Variants in DYM observed in about 807,000 individuals in gnomAD.
DYM encodes the protein dyggve-Melchior-Clausen syndrome protein.
A neutral mutation model predicts 93.1 loss-of-function variants in DYM; 78 were observed. The ratio of observed to expected loss-of-function variants is 0.84; its 90% CI spans 0.70 to 1.01. DYM has a LOEUF of 1.01. Among genes scored for constraint, DYM ranks in the 50% least tolerant of loss-of-function variants. The pLI, the probability that DYM is intolerant of heterozygous loss-of-function variation, is 0.00. For missense variants in DYM, 789 were observed against 845.0 expected (o/e 0.93, Z 0.82); for synonymous variants, 321 against 319.7 (o/e 1.00, Z -0.04).
Position 49,310,345 on chromosome 18 carries a change from G to A in DYM, c.763+21519C>T, listed in dbSNP as rs528716503. Among the ~76,000 whole-genome samples the A allele has an allele frequency of 1.6e-4, 24 of 152,244 alleles. 2 individuals are homozygous for A. In the South Asian group the frequency reaches 4.8e-3, roughly 30 times the overall value. ...TTAAGTTACCCTGAACTTAAAAGCTGAAGGAAAGGGTAAACTTGAAAATGT... is the reference window on the plus strand; with the variant it reads ...TTAAGTTACCCTGAACTTAAAAGCTAAAGGAAAGGGTAAACTTGAAAATGT... On this transcript the variant is annotated intron_variant, in intron 8 of 17. Coordinates refer to ENST00000675505, the MANE Select transcript of DYM (RefSeq NM_001353214.3).
chr18:49,112,658 A>AT (rs201279894), intron 16 of DYM, among the ~76,000 whole-genome samples: 1 of 152,200 alleles, frequency 6.6e-6, no homozygotes, highest in African/African-American at 2.4e-5. Context: ...TAGGGAATTT[A>AT]TTTTTTAGTA....
chr18:49,423,874 A>G (rs569627881), intron 2 of DYM, among the ~76,000 whole-genome samples: 95 of 152,352 alleles, frequency 6.2e-4, no homozygotes, highest in African/African-American at 2.3e-3. Flanking sequence ...GAATATACCA[A>G]TAACAGGCTC....
chr18:49,356,865 A>G (rs764563407), intron 6 of DYM, among the ~76,000 whole-genome samples: 6 of 152,244 alleles, frequency 3.9e-5, no homozygotes, highest in Non-Finnish European at 8.8e-5. Context: ...AATTTTATAA[A>G]TAAGATTCTC....
At chr18:49,330,167 T>C (rs1400551721) in intron 8 of DYM, among the ~76,000 whole-genome samples, 1 of 152,242 alleles carries the variant, frequency 6.6e-6, no homozygotes, top group African/African-American at 2.4e-5. Context: ...TCTTGATTTA[T>C]ACTTTTACAT....
chr18:49,429,752 G>A (rs78334393), intron 2 of DYM, among the ~76,000 whole-genome samples: 2,382 of 152,144 alleles, frequency 0.016, 69 homozygotes, highest in African/African-American at 0.054. Context: ...TGATGTATGC[G>A]GCAGTAACTG....
At chr18:49,240,706 C>T (rs547146140) in intron 13 of DYM, among the ~76,000 whole-genome samples, 21 of 152,232 alleles carry the variant, frequency 1.4e-4, no homozygotes, top group African/African-American at 2.2e-4. Flanking sequence ...CATGTTCTTT[C>T]GTGTAAAAAT....
chr18:49,345,861 C>T (rs951550793), intron 6 of DYM, among the ~76,000 whole-genome samples: 2 of 151,960 alleles, frequency 1.3e-5, no homozygotes, highest in South Asian at 2.1e-4. Flanking sequence ...ACAACAGAGG[C>T]GGCAATACAA....
intron 6 of DYM, among the ~76,000 whole-genome samples, chr18:49,350,887 A>G (rs1414614824): frequency 1.3e-5 from 2 of 152,162 alleles, no homozygotes; most frequent in East Asian, 1.9e-4. Context: ...CCTATTAAAA[A>G]TAAGTATTTT....
rs767694714 is a variant in DYM at position 49,118,635 on chromosome 18, T to C, written c.1911+109A>G. On this transcript the variant is annotated intron_variant, in intron 16 of 17. Transcript: ENST00000675505. Reference sequence around the variant, plus strand: ...TAAAATAGACTGCAAATACAGTTAATGTTGAAAGAAGAAACTCTTACTATT... The same window carrying C: ...TAAAATAGACTGCAAATACAGTTAACGTTGAAAGAAGAAACTCTTACTATT... 82 of 1,024,632 alleles carry C rather than the reference T, an allele frequency of 8.0e-5. No homozygotes were observed. In the African/African-American group the frequency reaches 1.1e-3, roughly 14 times the overall value. 63.5% of individuals were successfully genotyped at this position (1,024,632 alleles called of 1,614,324 possible).
At chr18:49,147,907 G>A (rs149941538) in intron 15 of DYM, among the ~76,000 whole-genome samples, 159 of 152,234 alleles carry the variant, frequency 1.0e-3, no homozygotes, top group African/African-American at 3.3e-3. Context: ...TGTTTATTGC[G>A]GCACTATTCA....
At chr18:49,330,062 C>T (rs886857280) in intron 8 of DYM, among the ~76,000 whole-genome samples, 13 of 152,278 alleles carry the variant, frequency 8.5e-5, no homozygotes, top group Admixed American at 5.2e-4. Context: ...GCCCAGAGAA[C>T]GTAGCTGTGC....
At chr18:49,206,976 G>A (rs1352610028) in intron 14 of DYM, among the ~76,000 whole-genome samples, 1 of 152,184 alleles carries the variant, frequency 6.6e-6, no homozygotes, top group African/African-American at 2.4e-5. Flanking sequence ...GGGCATCAGG[G>A]GAAGGAGGCT....
chr18:49,074,050 G>A (rs959001272), intron 17 of DYM, among the ~76,000 whole-genome samples: 6 of 152,182 alleles, frequency 3.9e-5, no homozygotes, highest in African/African-American at 1.4e-4. Flanking sequence ...TCAGTCATAT[G>A]AATTGAAAAA....
intron 2 of DYM, among the ~76,000 whole-genome samples, chr18:49,393,986 G>A (rs2069720069): frequency 1.3e-5 from 2 of 152,068 alleles, no homozygotes; most frequent in Admixed American, 1.3e-4. Context: ...GGGGATGGGA[G>A]AATAGGGAAC....
chr18:49,178,833 C>T (rs1023547506), intron 14 of DYM, among the ~76,000 whole-genome samples: 2 of 151,994 alleles, frequency 1.3e-5, no homozygotes, highest in African/African-American at 4.8e-5. Context: ...TATTATAGAT[C>T]AAATCAAGTT....
chr18:49,249,297 AT>A (rs1199578670), intron 13 of DYM, among the ~76,000 whole-genome samples: 1 of 152,222 alleles, frequency 6.6e-6, no homozygotes, highest in African/African-American at 2.4e-5. Flanking sequence ...TAAATTTATC[AT>A]TAAATGGACT....
intron 17 of DYM, among the ~76,000 whole-genome samples, chr18:49,081,495 A>G (rs1302828298): frequency 3.6e-5 from 5 of 138,304 alleles, no homozygotes; most frequent in Middle Eastern, 3.5e-3. Flanking sequence ...GAGACCGTGG[A>G]AAGAGAGGGA....
chr18:49,427,128 C>CA (rs1481638531), intron 2 of DYM, among the ~76,000 whole-genome samples: 1 of 152,134 alleles, frequency 6.6e-6, no homozygotes, highest in Non-Finnish European at 1.5e-5. Flanking sequence ...TCAATCTTAG[C>CA]ATGATAACTG....
At chr18:49,293,214 C>T (rs1424930022) in intron 8 of DYM, among the ~76,000 whole-genome samples, 1 of 152,152 alleles carries the variant, frequency 6.6e-6, no homozygotes, top group Non-Finnish European at 1.5e-5. Flanking sequence ...ATTTGTTTAT[C>T]CAGTCTATCA....
Sources: gnomAD v4.1 joint callset for allele counts (sites outside exome capture counted in the v4.1 genomes callset) on GRCh38, gnomAD v4.1.1 for gene constraint, MANE v1.5 for transcripts, NCBI Gene and HGNC (gene_info 2026-07-23, HGNC 2026-07-21) for gene names.